The following DICER1 variants were observed in gnomAD, a reference collection of about 807,000 sequenced individuals.
The protein encoded by DICER1 is dicer 1, ribonuclease III, also known as endoribonuclease Dicer.
A neutral mutation model predicts 194.1 loss-of-function variants in DICER1; 43 were observed. That is an observed-to-expected ratio of 0.22 (90% confidence interval 0.17 to 0.29). DICER1 has a LOEUF of 0.29. Among genes scored for constraint, DICER1 ranks in the 10% least tolerant of loss-of-function variants. The probability of loss-of-function intolerance (pLI) is 1.00; values close to 1 mark genes in which losing one functional copy is unlikely to be tolerated. For synonymous variants in DICER1, 832 were observed against 820.5 expected (o/e 1.01, Z -0.24); for missense variants, 1,608 against 2,317.0 (o/e 0.69, Z 6.28).
chr14:95,118,165 C>A (rs990982019), intron 8 of DICER1, among the ~76,000 whole-genome samples: 1 of 152,142 alleles, frequency 6.6e-6, no homozygotes, highest in African/African-American at 2.4e-5. Context: ...TCTACTAGCT[C>A]ATCTCTCAAC....
chr14:95,116,289 G>A (rs187213721), intron 10 of DICER1, among the ~76,000 whole-genome samples, 164 bp downstream of exon 10: 105 of 152,206 alleles, frequency 6.9e-4, no homozygotes, highest in African/African-American at 1.9e-3. Flanking sequence ...GGGTCTTTGT[G>A]ATCATTCTCA....
chr14:95,125,338 C>CG (rs1195279325), intron 7 of DICER1, among the ~76,000 whole-genome samples: 2 of 151,514 alleles, frequency 1.3e-5, no homozygotes, highest in African/African-American at 4.9e-5. Flanking sequence ...CCCTGTTATC[C>CG]GATTTCAATG....
At position 95,124,375 on chromosome 14, in the gene DICER1, C is replaced by T. The variant is rs866646426; in HGVS notation, c.1197G>A (p.Glu399=). ...TATCCTGATTTCTATTATTATACCA[C>T]TCAACGCTTTCAAACTGCTGTCGCT... ...PYERQQFESV[E]WYNNRNQDNY... is the part of the protein sequence containing the mutation. The change falls in exon 8 of 27, where the codon GAG becomes GAA. Residue 399 remains glutamate, a synonymous_variant. Transcript: ENST00000343455. This position sits in a 1 kb window ranked among gnomAD's most constrained non-coding sequence, Gnocchi z 4.5. The T allele has an allele frequency of 6.2e-7, 1 of 1,614,178 alleles. No homozygotes were observed. Among genetic ancestry groups the T allele is most frequent in the South Asian group, 1.1e-5 (1 of 91,086 alleles).
intron 8 of DICER1, among the ~76,000 whole-genome samples, chr14:95,118,153 G>T (rs763537088): frequency 1.1e-4 from 17 of 152,148 alleles, no homozygotes; most frequent in Non-Finnish European, 2.2e-4. Flanking sequence ...CCCTCTACCA[G>T]TTCTACTAGC....
intron 1 of DICER1, among the ~76,000 whole-genome samples, chr14:95,145,003 T>C (rs1172131592): frequency 6.6e-6 from 1 of 152,202 alleles, no homozygotes; most frequent in Non-Finnish European, 1.5e-5. Flanking sequence ...TCTAATCACC[T>C]TCCCACAGTT....
At chr14:95,126,784 G>A (rs2140235275) in intron 6 of DICER1, 36 bp from the exon 7 acceptor site, 1 of 1,158,062 alleles carries the variant, frequency 8.6e-7, no homozygotes. Context: ...CAATACTGCA[G>A]TAGTGAGAAT....
In DICER1 at chr14:95,096,066, T is replaced by C. The variant is rs776215107; in HGVS notation, c.4854A>G (p.Ser1618=). ...ENFNSQQKNL[S]VSCAAASVAS... ...CCACAGAAGCAGCAGCACAGCTCAC[T>C]GAAAGGTTCTTTTGTTGGCTGTTGA... The change falls in exon 23 of 27, where the codon TCA becomes TCG. Residue 1618 remains serine (S), a synonymous_variant. Coordinates refer to ENST00000343455, the MANE Select transcript of DICER1 (RefSeq NM_177438.3). 6.2e-7 allele frequency: 1 copy of C among 1,614,066 alleles called. No homozygotes were observed. The highest frequency in any genetic ancestry group is 8.5e-7 in the Non-Finnish European group (1 of 1,180,030).
rs1376773899 is a variant in DICER1, at chr14:95,124,236, T to C, written c.1336A>G (p.Ile446Val). 1 of 1,613,822 alleles carries C rather than the reference T, an allele frequency of 6.2e-7. No individual in the cohort carries two copies. Among genetic ancestry groups the C allele is most frequent in the Non-Finnish European group, 8.5e-7 (1 of 1,180,044 alleles). ...GCTGTGTATCTTCTTTCCACAAAAA[T>C]AATTCCGCACAAAATGTTGGTAAAA... The part of the protein sequence containing the change: ...SPFTNILCGI[I>V]FVERRYTAVV... Residue 446 changes from isoleucine (I) to valine (V), a missense_variant, in exon 8 of 27, where the codon ATT (isoleucine) becomes GTT (valine). By Grantham distance (29) the Ile-to-Val change is conservative. Coordinates refer to ENST00000343455, the MANE Select transcript of DICER1 (RefSeq NM_177438.3). This position sits in a 1 kb window ranked among gnomAD's most constrained non-coding sequence, Gnocchi z 4.5.
Position 95,096,197 on chromosome 14 carries a change from C to A in DICER1, c.4723G>T (p.Gly1575Trp). 1.2e-6 allele frequency: 2 copies of A among 1,614,240 alleles called. No homozygotes were observed. Among genetic ancestry groups the A allele is most frequent in the Middle Eastern group, 1.7e-4 (1 of 6,060 alleles). The change falls in exon 23 of 27, where the codon GGG (glycine) becomes TGG (tryptophan). Residue 1575 changes from glycine (G) to tryptophan (W), a missense_variant. Physicochemically the swap from Gly to Trp is radical, Grantham distance 184 (BLOSUM62 -2). Coordinates refer to ENST00000343455, the MANE Select transcript of DICER1 (RefSeq NM_177438.3). ...ALLGCYLTSC[G>W]ERAAQLFLCS... Reference sequence around the variant, plus strand: ...AGGAAAAGCTGAGCAGCCCTCTCCCCACAGCTGGTTAAATAGCAGCCCAGC... The same window carrying A: ...AGGAAAAGCTGAGCAGCCCTCTCCCAACAGCTGGTTAAATAGCAGCCCAGC...
At position 95,095,838 on chromosome 14, in the gene DICER1, G is replaced by A. The variant is rs1555367486; in HGVS notation, c.5082C>T (p.Tyr1694=). ...LQAFTHASYH[Y]NTITDCYQRL... Reference sequence around the variant, plus strand: ...TGGGCTCCTTACCAGTGATAGTATTGTAGTGGTAGGAGGCATGTGTAAAAG... The same window carrying A: ...TGGGCTCCTTACCAGTGATAGTATTATAGTGGTAGGAGGCATGTGTAAAAG... Residue 1694 remains tyrosine (Y), a synonymous_variant, in exon 23 of 27, where the codon TAC becomes TAT. Coordinates refer to ENST00000343455, the MANE Select transcript of DICER1 (RefSeq NM_177438.3). The A allele has an allele frequency of 1.9e-6, 3 of 1,614,122 alleles. No individual in the cohort carries two copies. Among genetic ancestry groups the A allele is most frequent in the Non-Finnish European group, 2.5e-6 (3 of 1,180,002 alleles).
At chr14:95,133,540 G>A (rs1411469641) in intron 1 of DICER1, 37 bp from the exon 2 acceptor site, 20 of 1,444,260 alleles carry the variant, frequency 1.4e-5, no homozygotes, top group Non-Finnish European at 3.8e-6. Context: ...ACACAATCAT[G>A]CAGGGTTAAA....
chr14:95,136,490 G>T (rs977508203), intron 1 of DICER1: 4 of 152,150 alleles, frequency 2.6e-5, no homozygotes, highest in Non-Finnish European at 5.9e-5. Context: ...GACCACAGGT[G>T]TGCATCACCA....
At position 95,116,323 on chromosome 14, in the gene DICER1, T is replaced by C. The variant is rs1892460500; in HGVS notation, c.1752+130A>G. On this transcript the variant is annotated intron_variant, in intron 10 of 26. Transcript: ENST00000343455. The stretch of plus-strand genomic sequence containing the variant: ...CAACTTCCTTACAATGTACACAGAG[T>C]ACACCTCTTTTGAGATTATTGCCTG... 3 of 1,144,136 alleles carry C rather than the reference T, an allele frequency of 2.6e-6. No homozygotes were observed. The East Asian group carries it at 7.0e-5, about 27-fold the overall frequency. The allele number at this position is 1,144,136 out of a possible 1,614,324, so 70.9% of individuals were successfully genotyped here.
rs2140125683 is a variant in DICER1, at chr14:95,116,635, C to T, written c.1570G>A (p.Glu524Lys). The T allele has an allele frequency of 1.2e-6, 2 of 1,613,934 alleles. No individual in the cohort carries two copies. The highest frequency in any genetic ancestry group is 1.7e-6 in the Non-Finnish European group (2 of 1,179,924). The change falls in exon 10 of 27, where the codon GAG becomes AAG. Residue 524 changes from glutamate to lysine, a missense_variant. This residue lies in a region of DICER1 where 657 missense variants were observed against 910.1 expected (regional missense o/e 0.72). Transcript: ENST00000343455. ...TTGCATTTTGGTATATCAACACCCT[C>T]TTCTACAATACTTGTTGCAATAAGC... ...NLLIATSIVE[E>K]GVDIPKCNLV...
At position 95,105,627 on chromosome 14, in the gene DICER1, C is replaced by T. The variant is rs752139498; in HGVS notation, c.3093+51G>A. The T allele has an allele frequency of 2.1e-5, 28 of 1,312,116 alleles. No individual in the cohort carries two copies. Among genetic ancestry groups the T allele is most frequent in the Non-Finnish European group, 3.0e-5 (27 of 908,866 alleles). 81.3% of individuals were successfully genotyped at this position (1,312,116 alleles called of 1,614,324 possible). A position where few individuals can be genotyped will look rare whatever the true frequency, so the allele number is the denominator to read the frequency against. On this transcript the variant is annotated intron_variant, in intron 19 of 26. Coordinates refer to ENST00000343455, the MANE Select transcript of DICER1 (RefSeq NM_177438.3). This position sits in a 1 kb window ranked among gnomAD's most constrained non-coding sequence, Gnocchi z 4.9. ...AAAATTCAAACTTATCTTTAATAAT[C>T]TTTAATACTCAAACAAATACTAAGT...
chr14:95,103,995 T>A lies in DICER1; in HGVS notation c.3401A>T (p.His1134Leu), dbSNP rs1159674119. The change falls in exon 21 of 27, where the codon CAT becomes CTT. Residue 1134 changes from histidine (H) to leucine (L), a missense_variant. His to Leu is a moderately conservative substitution (Grantham distance 99). Coordinates refer to ENST00000343455, the MANE Select transcript of DICER1 (RefSeq NM_177438.3). ...AGAGGAGGTTCTATTAGCACCTTGA[T>A]GTGCAGCATTTTCAGGGACAATTGT... ...HSTIVPENAA[H>L]QGANRTSSLE... 6.2e-6 allele frequency: 10 copies of A among 1,614,216 alleles called. No individual in the cohort carries two copies. In the East Asian group the frequency reaches 2.2e-4, roughly 36 times the overall value.
chr14:95,139,358 C>T (rs940803336), intron 1 of DICER1, among the ~76,000 whole-genome samples: 1 of 152,196 alleles, frequency 6.6e-6, no homozygotes, highest in Non-Finnish European at 1.5e-5. Flanking sequence ...ACCTGTATTA[C>T]CCACTGTACA....
intron 1 of DICER1, among the ~76,000 whole-genome samples, chr14:95,154,512 T>C (rs1895715588): frequency 6.6e-6 from 1 of 152,202 alleles, no homozygotes; most frequent in African/African-American, 2.4e-5. Context: ...TACAATGAAA[T>C]ACCATTCAGC....
Position 95,106,099 on chromosome 14 carries a change from T to G in DICER1, c.2929A>C (p.Asn977His). The change falls in exon 18 of 27, where the codon AAC becomes CAC. Residue 977 changes from asparagine (N) to histidine (H), a missense_variant. By Grantham distance (68) the Asn-to-His change is moderately conservative. Coordinates refer to ENST00000343455, the MANE Select transcript of DICER1 (RefSeq NM_177438.3). ...TFAEYYKTKY[N>H]LDLTNLNQPL... is the part of the protein sequence containing the mutation. ...TGGTTGAGATTGGTTAGGTCAAGGT[T>G]GTACTTTGTTTTATAATATTCTGCA... The G allele has an allele frequency of 6.2e-7, 1 of 1,614,224 alleles. No homozygotes were observed. Among genetic ancestry groups the G allele is most frequent in the Non-Finnish European group, 8.5e-7 (1 of 1,180,022 alleles).
Sources: allele counts gnomAD v4.1 joint callset (sites outside exome capture counted in the v4.1 genomes callset), GRCh38; gene constraint gnomAD v4.1.1; regional missense constraint gnomAD v4.1.1; non-coding constraint Gnocchi (gnomAD v3.1); transcripts MANE v1.5; gene names NCBI Gene and HGNC (gene_info 2026-07-23, HGNC 2026-07-21).